CACNA1D: variants seen among roughly 807,000 people sequenced by gnomAD.
CACNA1D encodes calcium voltage-gated channel subunit alpha1 D.
Under a neutral mutation model 257.1 loss-of-function variants are expected in CACNA1D, and 55 were observed. The observed-to-expected ratio is 0.21, with a 90% CI of 0.17 to 0.27. The LOEUF (loss-of-function observed/expected upper bound fraction) is 0.27, where lower values mean the gene tolerates loss of function less well. CACNA1D is among the 10% of genes least tolerant of loss of function. The pLI is 1.00. For missense variants in CACNA1D, 1,876 were observed against 2,784.0 expected, an observed-to-expected ratio of 0.67 and a Z score of 7.34; for synonymous variants, 980 against 1,014.9, an observed-to-expected ratio of 0.97 and a Z score of 0.65.
At chr3:53,648,367 A>G (rs2094045306) in intron 3 of CACNA1D, among the ~76,000 whole-genome samples, 1 of 152,138 alleles carries the variant, frequency 6.6e-6, no homozygotes. Context: ...TGGCATTTTC[A>G]GGGATTTTTG....
intron 3 of CACNA1D, among the ~76,000 whole-genome samples, chr3:53,620,876 A>C (rs995833963): frequency 6.6e-6 from 1 of 152,222 alleles, no homozygotes; most frequent in African/African-American, 2.4e-5. Flanking sequence ...CCTGGGGGAA[A>C]CAGAGAGGAA....
chr3:53,768,170 G>C (rs973553008), intron 30 of CACNA1D, among the ~76,000 whole-genome samples: 3 of 152,252 alleles, frequency 2.0e-5, no homozygotes, highest in Admixed American at 2.0e-4. Context: ...AAGCAGAATA[G>C]GGAGAGGCCC....
intron 4 of CACNA1D, among the ~76,000 whole-genome samples, chr3:53,654,217 G>A (rs1474837983): frequency 6.6e-6 from 1 of 152,136 alleles, no homozygotes; most frequent in African/African-American, 2.4e-5. Context: ...AGAAAGAAAT[G>A]AAGAGTACCA....
intron 3 of CACNA1D, among the ~76,000 whole-genome samples, chr3:53,628,924 A>T (rs2093790405): frequency 1.3e-5 from 2 of 152,260 alleles, no homozygotes; most frequent in African/African-American, 2.4e-5. Flanking sequence ...AATCACTAGC[A>T]TTCTCTTTTC....
intron 35 of CACNA1D, 84 bp downstream of exon 35, chr3:53,776,129 C>A: frequency 7.9e-7 from 1 of 1,263,914 alleles, no homozygotes; most frequent in Non-Finnish European, 1.1e-6. Flanking sequence ...TTGCCCTGTC[C>A]CATCGCCTGA....
chr3:53,723,482 T>G lies in CACNA1D; in HGVS notation c.1715T>G (p.Val572Gly). The G allele has an allele frequency of 6.2e-7, 1 of 1,614,136 alleles. No individual in the cohort carries two copies. The highest frequency in any genetic ancestry group is 8.5e-7 in the Non-Finnish European group (1 of 1,180,024). ...GCTCTGTTCACCTGCGAGATGCTGG[T>G]AAAAATGTACAGCTTGGGCCTCCAA... ...LLALFTCEMLVKMYSLGLQAY... is the reference protein window; with the variant it reads ...LLALFTCEMLGKMYSLGLQAY... Residue 572 changes from valine (V) to glycine (G), a missense_variant, in exon 13 of 48, where the codon GTA (valine) becomes GGA (glycine). Coordinates refer to ENST00000350061, the MANE Select transcript of CACNA1D (RefSeq NM_001128840.3). The surrounding 1 kb of genome is among the most constrained non-coding windows in gnomAD (Gnocchi z 5.6).
intron 38 of CACNA1D, among the ~76,000 whole-genome samples, chr3:53,780,580 C>T (rs544660456): frequency 2.0e-5 from 3 of 152,330 alleles, no homozygotes; most frequent in Admixed American, 1.3e-4. Context: ...TCTGCAAAAG[C>T]TCCTTTGCAG....
chr3:53,590,432 T>C (rs1427746538), intron 3 of CACNA1D, among the ~76,000 whole-genome samples: 2 of 152,216 alleles, frequency 1.3e-5, no homozygotes, highest in East Asian at 3.8e-4. Context: ...TGGCCCAGGG[T>C]TGTATAGGGC....
chr3:53,689,241 C>T (rs1055436801), intron 8 of CACNA1D, among the ~76,000 whole-genome samples: 11 of 151,900 alleles, frequency 7.2e-5, no homozygotes, highest in African/African-American at 2.7e-4. Flanking sequence ...TCCTGCCTGT[C>T]GGAACCAGTG....
intron 3 of CACNA1D, among the ~76,000 whole-genome samples, chr3:53,513,370 C>A (rs1400092077): frequency 6.6e-6 from 1 of 152,136 alleles, no homozygotes; most frequent in Non-Finnish European, 1.5e-5. Flanking sequence ...GGTAGCCAGG[C>A]GTGCCTCACA....
In CACNA1D at chr3:53,809,429, A is replaced by G. The variant is rs1219308485; in HGVS notation, c.5872-549A>G. On this transcript the variant is annotated intron_variant, in intron 46 of 47. Coordinates refer to ENST00000350061, the MANE Select transcript of CACNA1D (RefSeq NM_001128840.3). ...TGGTGGGCATGGACCTGTGCTGTTT[A>G]CAGACAGCGTTCCCCGTCCCTCTCT... 3 of 185,224 alleles carry G rather than the reference A, an allele frequency of 1.6e-5. No homozygotes were observed. In the East Asian group the frequency reaches 4.0e-4, roughly 24 times the overall value. 11.5% of individuals were successfully genotyped at this position (185,224 alleles called of 1,614,324 possible). A position where few individuals can be genotyped will look rare whatever the true frequency, so the allele number is the denominator to read the frequency against.
intron 8 of CACNA1D, among the ~76,000 whole-genome samples, chr3:53,691,789 T>C (rs1454053440): frequency 1.2e-4 from 9 of 74,586 alleles, no homozygotes; most frequent in Admixed American, 1.1e-3. Flanking sequence ...ATCTATAATA[T>C]ATATATTACA....
At position 53,539,162 on chromosome 3, in the gene CACNA1D, T is replaced by C. The variant is rs2092225728; in HGVS notation, c.483+37442T>C. Among the ~76,000 whole-genome samples, 3 of 152,152 alleles carry C rather than the reference T, an allele frequency of 2.0e-5. No homozygotes were observed. The East Asian group carries it at 5.8e-4, about 29-fold the overall frequency. On this transcript the variant is annotated intron_variant, in intron 3 of 47. Transcript: ENST00000350061. ...TCCTGCTCTGTCGCCCAGGCTGGAGTGCAGTGGCGTGATTTCAGCTCACTG... is the reference window on the plus strand; with the variant it reads ...TCCTGCTCTGTCGCCCAGGCTGGAGCGCAGTGGCGTGATTTCAGCTCACTG...
chr3:53,541,935 T>A (rs2092307654), intron 3 of CACNA1D, among the ~76,000 whole-genome samples: 1 of 152,166 alleles, frequency 6.6e-6, no homozygotes, highest in African/African-American at 2.4e-5. Context: ...AATATGAACA[T>A]CCCAAATAGG....
chr3:53,717,694 T>C lies in CACNA1D; in HGVS notation c.1391-607T>C, dbSNP rs117801607. Reference sequence around the variant, plus strand: ...GGTGCTCTAGTTGTTCTTACCCAGCTTACTGGGTAAGAACTTTCTGTGTAT... The same window carrying C: ...GGTGCTCTAGTTGTTCTTACCCAGCCTACTGGGTAAGAACTTTCTGTGTAT... On this transcript the variant is annotated intron_variant, in intron 9 of 47. Transcript: ENST00000350061. Among the ~76,000 whole-genome samples, 14 of 152,262 alleles carry C rather than the reference T, an allele frequency of 9.2e-5. No individual in the cohort carries two copies. The East Asian group carries it at 2.7e-3, about 29-fold the overall frequency.
intron 3 of CACNA1D, among the ~76,000 whole-genome samples, chr3:53,566,545 G>A (rs755535366): frequency 2.4e-4 from 37 of 151,804 alleles, no homozygotes; most frequent in Non-Finnish European, 4.4e-4. Context: ...GCCCTCCCTC[G>A]CTTCCCCTCC....
rs1559623966 is a variant in CACNA1D, at chr3:53,751,579, TC to T, written c.3517-169del. 6.6e-6 allele frequency among the ~76,000 whole-genome samples: 1 copy of T among 152,156 alleles called. No homozygotes were observed. The stretch of plus-strand genomic sequence containing the variant: ...TAATGGAGGCAGGGCCCTCGGTGAC[TC>T]AAGAGTGGTGCCAGCAGCAGGAAGG... On this transcript the variant is annotated intron_variant, in intron 27 of 47. Coordinates refer to ENST00000350061, the MANE Select transcript of CACNA1D (RefSeq NM_001128840.3). This position sits in a 1 kb window ranked among gnomAD's most constrained non-coding sequence, Gnocchi z 4.3.
chr3:53,637,373 C>T (rs932279842), intron 3 of CACNA1D, among the ~76,000 whole-genome samples: 2 of 152,188 alleles, frequency 1.3e-5, no homozygotes, highest in Admixed American at 6.5e-5. Flanking sequence ...CTGCCTTCTC[C>T]TTTTAAACAG....
At chr3:53,554,452 C>T (rs1317501656) in intron 3 of CACNA1D, among the ~76,000 whole-genome samples, 1 of 152,212 alleles carries the variant, frequency 6.6e-6, no homozygotes, top group East Asian at 1.9e-4. Flanking sequence ...GGCCTTTCTG[C>T]CAAACTCAGC....
Sources: allele counts gnomAD v4.1 joint callset (sites outside exome capture counted in the v4.1 genomes callset), GRCh38; gene constraint gnomAD v4.1.1; non-coding constraint Gnocchi (gnomAD v3.1); transcripts MANE v1.5; gene names NCBI Gene and HGNC (gene_info 2026-07-23, HGNC 2026-07-21).